The following TNFAIP6 variants were observed in gnomAD, a reference collection of about 807,000 sequenced individuals.
TNFAIP6 encodes the protein TNF alpha induced protein 6.
Under a neutral mutation model 33.7 loss-of-function variants are expected in TNFAIP6, and 36 were observed. The observed-to-expected ratio is 1.07, with a 90% CI of 0.82 to 1.41. TNFAIP6 has a LOEUF of 1.41. Among genes scored for constraint, TNFAIP6 ranks in the 40% most tolerant of loss-of-function variants. The pLI is 0.00. For missense variants in TNFAIP6, 273 were observed against 331.9 expected (o/e 0.82, Z 1.38); for synonymous variants, 113 against 112.8 (o/e 1.00, Z -0.01).
intron 1 of TNFAIP6, among the ~76,000 whole-genome samples, chr2:151,360,794 G>A (rs908181653): frequency 3.9e-5 from 6 of 151,994 alleles, no homozygotes; most frequent in Non-Finnish European, 2.9e-5. Context: ...TGCTATTTCT[G>A]TTATTATGTT....
chr2:151,377,890 A>AAACCTGACTCTGCCGCTAG (rs1684943899), intron 5 of TNFAIP6, among the ~76,000 whole-genome samples: 1 of 152,164 alleles, frequency 6.6e-6, no homozygotes, highest in South Asian at 2.1e-4. Flanking sequence ...GCCTGTGCTC[A>AAACCTGACTCTGCCGCTAG]AACCTGACTC....
At chr2:151,378,485 T>G (rs1360900333) in intron 5 of TNFAIP6, among the ~76,000 whole-genome samples, 3 of 148,596 alleles carry the variant, frequency 2.0e-5, no homozygotes, top group Non-Finnish European at 4.5e-5. Flanking sequence ...CTACAAAGAG[T>G]ATCTTCTTTT....
rs1344419277 is a variant in TNFAIP6 at position 151,379,522 on chromosome 2, A to C, written c.823A>C (p.Ser275Arg). The C allele has an allele frequency of 1.4e-5, 22 of 1,528,872 alleles. No individual in the cohort carries two copies. Among genetic ancestry groups the C allele is most frequent in the Non-Finnish European group, 1.7e-5 (20 of 1,144,390 alleles). 94.7% of individuals were successfully genotyped at this position (1,528,872 alleles called of 1,614,324 possible). Reference sequence around the variant, plus strand: ...TAAAAACTTTTTAGCTGGAAGATTTAGCCACTTATAAAAAAAAAAAAAAGG... The same window carrying C: ...TAAAAACTTTTTAGCTGGAAGATTTCGCCACTTATAAAAAAAAAAAAAAGG... ...GNKNFLAGRF[S>R]HL Residue 275 changes from serine (S) to arginine (R), a missense_variant, in exon 6 of 6, where the codon AGC becomes CGC. Ser to Arg is a moderately radical substitution (Grantham distance 110). Transcript: ENST00000243347.
chr2:151,373,251 G>A (rs1227994203), intron 4 of TNFAIP6, among the ~76,000 whole-genome samples: 1 of 152,092 alleles, frequency 6.6e-6, no homozygotes, highest in East Asian at 1.9e-4. Context: ...GGAGGAAGAG[G>A]TTGCGGTGAG....
At chr2:151,375,877 C>T (rs968770516) in intron 5 of TNFAIP6, among the ~76,000 whole-genome samples, 2 of 152,124 alleles carry the variant, frequency 1.3e-5, no homozygotes, top group African/African-American at 4.8e-5. Flanking sequence ...CTTTGGGAGG[C>T]CAAGGTGAGA....
In TNFAIP6 at chr2:151,379,572, G is replaced by A; in HGVS notation, c.*39G>A. 1 of 1,408,920 alleles carries A rather than the reference G, an allele frequency of 7.1e-7. No individual in the cohort carries two copies. The highest frequency in any genetic ancestry group is 2.5e-5 in the East Asian group (1 of 40,138). The allele number at this position is 1,408,920 out of a possible 1,614,324, so 87.3% of individuals were successfully genotyped here. ...GATGATCAAAACACACAGTGTTTAT[G>A]TTGGAATCTTTTGGAACTCCTTTGA... On this transcript the variant is annotated 3_prime_UTR_variant, in exon 6 of 6. Coordinates refer to ENST00000243347, the MANE Select transcript of TNFAIP6 (RefSeq NM_007115.4).
chr2:151,362,647 C>G (rs1412937498), intron 1 of TNFAIP6, among the ~76,000 whole-genome samples: 1 of 151,746 alleles, frequency 6.6e-6, no homozygotes, highest in Admixed American at 6.6e-5. Context: ...CCTGCCACCA[C>G]GCCTGGCTAA....
At chr2:151,381,165 A>G (rs1242174687), downstream of TNFAIP6, among the ~76,000 whole-genome samples, 2 of 152,020 alleles carry the variant, frequency 1.3e-5, no homozygotes, top group African/African-American at 4.8e-5. Flanking sequence ...TTCCTCTTCC[A>G]AAGCAAGTCA....
intron 1 of TNFAIP6, among the ~76,000 whole-genome samples, chr2:151,363,606 G>A (rs1054466476): frequency 1.3e-4 from 20 of 151,970 alleles, no homozygotes; most frequent in African/African-American, 4.8e-4. Context: ...AGCTTGCAGT[G>A]AGCTGAGATC....
chr2:151,358,927 A>AT (rs959240964), intron 1 of TNFAIP6, among the ~76,000 whole-genome samples: 9 of 152,050 alleles, frequency 5.9e-5, no homozygotes, highest in African/African-American at 1.9e-4. Context: ...ATTTGTCAGG[A>AT]TTTTTTTTAA....
At position 151,368,127 on chromosome 2, in the gene TNFAIP6, T is replaced by C. The variant is rs3771898; in HGVS notation, c.395-1893T>C. On this transcript the variant is annotated intron_variant, in intron 3 of 5. Transcript: ENST00000243347. ...GGCAATGTACATCCTTATGCAGACA[T>C]ACAAACTATGTGTTGTATATTTTAT... is the stretch of plus-strand genomic sequence containing the variant. Among the ~76,000 whole-genome samples, 1,186 of 152,080 alleles carry C rather than the reference T, an allele frequency of 7.8e-3. 24 individuals carry two copies. The East Asian group carries it at 0.091, about 12-fold the overall frequency.
chr2:151,362,515 C>T (rs1429733529), intron 1 of TNFAIP6, among the ~76,000 whole-genome samples: 2 of 47,136 alleles, frequency 4.2e-5, no homozygotes, highest in Admixed American at 4.9e-4. Context: ...TTTTTTGAGA[C>T]AGAGTCTCAC....
intron 4 of TNFAIP6, among the ~76,000 whole-genome samples, chr2:151,372,609 T>G (rs1324144362): frequency 6.6e-6 from 1 of 152,194 alleles, no homozygotes; most frequent in Non-Finnish European, 1.5e-5. Flanking sequence ...AAGAAAACTT[T>G]ATAAAATTAA....
intron 5 of TNFAIP6, among the ~76,000 whole-genome samples, chr2:151,379,004 G>A (rs1684969528): frequency 6.6e-6 from 1 of 152,052 alleles, no homozygotes; most frequent in Non-Finnish European, 1.5e-5. Context: ...GGAGGCTGAG[G>A]CAGGAGAATC....
intron 5 of TNFAIP6, among the ~76,000 whole-genome samples, chr2:151,378,900 C>G (rs992137065): frequency 6.6e-6 from 1 of 151,734 alleles, no homozygotes; most frequent in Non-Finnish European, 1.5e-5. Context: ...GAGTTTGAGA[C>G]CAGCCTGGCC....
intron 5 of TNFAIP6, among the ~76,000 whole-genome samples, chr2:151,374,536 C>T (rs1381072912): frequency 6.6e-6 from 1 of 152,186 alleles, no homozygotes; most frequent in Non-Finnish European, 1.5e-5. Flanking sequence ...TCAGATACTA[C>T]TAGTTAACTT....
intron 1 of TNFAIP6, among the ~76,000 whole-genome samples, chr2:151,359,992 T>C (rs1326055900): frequency 1.3e-5 from 2 of 152,232 alleles, no homozygotes; most frequent in Admixed American, 1.3e-4. Flanking sequence ...TATTGTTGAA[T>C]CTGAAAAAGA....
intron 3 of TNFAIP6, 87 bp from the exon 4 acceptor site, chr2:151,369,933 T>C (rs1301132414): frequency 3.0e-6 from 3 of 996,012 alleles, no homozygotes; most frequent in Non-Finnish European, 4.5e-6. Context: ...TAAAAAGTAA[T>C]AGATTGCTAA....
At chr2:151,371,356 A>G (rs1246674878) in intron 4 of TNFAIP6, among the ~76,000 whole-genome samples, 2 of 152,162 alleles carry the variant, frequency 1.3e-5, no homozygotes, top group Non-Finnish European at 2.9e-5. Context: ...CATATTTTAG[A>G]CTATCAATTA....
Sources: gnomAD v4.1 joint callset for allele counts (sites outside exome capture counted in the v4.1 genomes callset) on GRCh38, gnomAD v4.1.1 for gene constraint, MANE v1.5 for transcripts, NCBI Gene and HGNC (gene_info 2026-07-23, HGNC 2026-07-21) for gene names.